OR1F1: variants seen among roughly 807,000 people sequenced by gnomAD.
The protein encoded by OR1F1 is olfactory receptor family 1 subfamily F member 1.
For missense variants in OR1F1, 493 were observed against 376.3 expected (o/e 1.31, Z -2.57); for synonymous variants, 184 against 156.7 (o/e 1.17, Z -1.30).
At chr16:3,194,835 C>T in the OR1F1 span, among the ~76,000 whole-genome samples, 1 of 152,202 alleles carries the variant, frequency 6.6e-6, no homozygotes, top group Non-Finnish European at 1.5e-5. Context: ...GTTGTTCAGG[C>T]TGGTCTGGAA....
chr16:3,198,590 A>G, the OR1F1 span, among the ~76,000 whole-genome samples: 3 of 152,134 alleles, frequency 2.0e-5, no homozygotes. Context: ...CTGGCAGGAG[A>G]TGAAACAAAA....
At chr16:3,194,108 G>A in the OR1F1 span, among the ~76,000 whole-genome samples, 1 of 152,098 alleles carries the variant, frequency 6.6e-6, no homozygotes, top group Admixed American at 6.5e-5. Flanking sequence ...GCATGAATTT[G>A]GAAGAAAAAC....
upstream of OR1F1, among the ~76,000 whole-genome samples, chr16:3,203,583 G>A (rs976415436): frequency 6.6e-6 from 1 of 152,136 alleles, no homozygotes; most frequent in African/African-American, 2.4e-5. Context: ...GGCCAACATG[G>A]TGAAACCCCG....
Position 3,204,672 on chromosome 16 carries a change from C to G in OR1F1, c.426C>G (p.Ala142=), listed in dbSNP as rs148560457. The change falls in exon 1 of 1, where the codon GCC becomes GCG. Residue 142 remains alanine (A), a synonymous_variant. Coordinates refer to ENST00000304646, the Ensembl canonical transcript of OR1F1. ...CAAAGATGACCCATCAGCTCTGTGC[C>G]CTGCTGGTTGCTGGATTATGGGTGG... 472 of 1,614,170 alleles carry G rather than the reference C, an allele frequency of 2.9e-4. 3 individuals carry two copies. In the African/African-American group the frequency reaches 5.7e-3, roughly 20 times the overall value.
chr16:3,191,467 C>G, the OR1F1 span: 1 of 152,116 alleles, frequency 6.6e-6, no homozygotes, highest in South Asian at 2.1e-4. Context: ...CATGCCACCC[C>G]GCCAATTACT....
At chr16:3,197,417 GT>G in the OR1F1 span, among the ~76,000 whole-genome samples, 9 of 151,104 alleles carry the variant, frequency 6.0e-5, no homozygotes, top group African/African-American at 1.9e-4. Context: ...GTCGTTGTTG[GT>G]TTTTTTTTCT....
At chr16:3,200,292 C>T (rs1418137382), upstream of OR1F1, among the ~76,000 whole-genome samples, 6 of 152,044 alleles carry the variant, frequency 3.9e-5, no homozygotes, top group African/African-American at 1.4e-4. Context: ...AATCTCCACC[C>T]AGGGATATGT....
At chr16:3,202,341 C>A (rs885745), upstream of OR1F1, among the ~76,000 whole-genome samples, 41,768 of 151,754 alleles carry the variant, frequency 0.28, 6,375 homozygotes, top group African/African-American at 0.42. Context: ...TATCATTCAG[C>A]TCCCTGAATT....
rs61731438 is a variant in OR1F1, at chr16:3,204,783, C to G, written c.537C>G (p.Cys179Trp). The G allele has an allele frequency of 2.5e-3, 3,970 of 1,614,144 alleles. 9 individuals carry two copies. Among genetic ancestry groups the G allele is most frequent in the Non-Finnish European group, 3.0e-3 (3,502 of 1,180,018 alleles). Residue 179 changes from cysteine to tryptophan, a missense_variant, in exon 1 of 1, where the codon TGC (cysteine) becomes TGG (tryptophan). Cys to Trp is a radical substitution (Grantham distance 215). Coordinates refer to ENST00000304646, the Ensembl canonical transcript of OR1F1. ...ACAATGCCATCACTCACTTCTTCTGCGATGTGACTCCCCTACTGAAACTCT... is the reference window on the plus strand; with the variant it reads ...ACAATGCCATCACTCACTTCTTCTGGGATGTGACTCCCCTACTGAAACTCT...
chr16:3,200,676 A>C (rs1185738645), upstream of OR1F1, among the ~76,000 whole-genome samples: 5 of 152,220 alleles, frequency 3.3e-5, no homozygotes, highest in Non-Finnish European at 7.3e-5. Context: ...GTAAGATCAG[A>C]ATGCACATGC....
At chr16:3,199,300 C>G (rs940009684), upstream of OR1F1, among the ~76,000 whole-genome samples, 20 of 151,474 alleles carry the variant, frequency 1.3e-4, no homozygotes, top group African/African-American at 4.6e-4. Context: ...GAGACCCTAC[C>G]TGAAATAATA....
At chr16:3,194,178 T>C in the OR1F1 span, among the ~76,000 whole-genome samples, 1 of 152,238 alleles carries the variant, frequency 6.6e-6, no homozygotes, top group Non-Finnish European at 1.5e-5. Flanking sequence ...GTGAAGATTT[T>C]ACTTACCTCT....
At chr16:3,192,532 G>T in the OR1F1 span, among the ~76,000 whole-genome samples, 3 of 152,222 alleles carry the variant, frequency 2.0e-5, no homozygotes, top group African/African-American at 4.8e-5. Context: ...AAGCCTCATT[G>T]GTGGGATGAG....
exon 1 of OR1F1, chr16:3,204,756 A>C: frequency 6.2e-7 from 1 of 1,614,144 alleles, no homozygotes; most frequent in Non-Finnish European, 8.5e-7. Context: ...CATTCTGTGC[A>C]GACAATGCCA....
upstream of OR1F1, among the ~76,000 whole-genome samples, chr16:3,199,608 C>T (rs1958113155): frequency 6.6e-6 from 1 of 152,074 alleles, no homozygotes; most frequent in Admixed American, 6.5e-5. Context: ...TAGTGTTGAC[C>T]ATTGATATGA....
chr16:3,195,495 C>T, the OR1F1 span, among the ~76,000 whole-genome samples: 2 of 151,980 alleles, frequency 1.3e-5, no homozygotes, highest in Admixed American at 1.3e-4. Flanking sequence ...GCCTGGCTAA[C>T]ATGGTGAAAC....
chr16:3,191,786 T>G, the OR1F1 span, among the ~76,000 whole-genome samples: 1 of 147,378 alleles, frequency 6.8e-6, no homozygotes, highest in African/African-American at 2.5e-5. Flanking sequence ...CGGGGGCGGG[T>G]GAGAACTGAG....
upstream of OR1F1, among the ~76,000 whole-genome samples, chr16:3,202,503 T>C (rs1179488297): frequency 6.6e-6 from 1 of 152,090 alleles, no homozygotes; most frequent in East Asian, 1.9e-4. Flanking sequence ...CTCCTCCTCC[T>C]CCCCAGATCT....
At chr16:3,200,270 G>A (rs1007578726), upstream of OR1F1, among the ~76,000 whole-genome samples, 10 of 152,024 alleles carry the variant, frequency 6.6e-5, no homozygotes, top group East Asian at 3.9e-4. Context: ...TGCACGTCTC[G>A]TTAGCATCTT....
Sources: gnomAD v4.1 joint callset for allele counts (sites outside exome capture counted in the v4.1 genomes callset) on GRCh38, gnomAD v4.1.1 for gene constraint, MANE v1.5 for transcripts, NCBI Gene and HGNC (gene_info 2026-07-23, HGNC 2026-07-21) for gene names.